KIAA1328: variants seen among roughly 807,000 people sequenced by gnomAD.
The protein encoded by KIAA1328 is KIAA1328.
Under a neutral mutation model 68.1 loss-of-function variants are expected in KIAA1328, and 52 were observed. The ratio of observed to expected loss-of-function variants is 0.76; its 90% CI spans 0.61 to 0.96. The LOEUF is 0.96. Ranked by LOEUF, KIAA1328 falls within the 40% of genes least tolerant of loss-of-function variation. KIAA1328 has a pLI of 0.00. For missense variants in KIAA1328, 641 were observed against 677.6 expected (o/e 0.95, Z 0.60); for synonymous variants, 232 against 239.4 (o/e 0.97, Z 0.28).
chr18:37,058,486 G>A (rs1398323428), intron 6 of KIAA1328, among the ~76,000 whole-genome samples: 1 of 152,192 alleles, frequency 6.6e-6, no homozygotes, highest in South Asian at 2.1e-4. Flanking sequence ...GCCAAGGCAG[G>A]TGGGTTGCCT....
At chr18:36,983,766 C>G (rs973654421) in intron 6 of KIAA1328, among the ~76,000 whole-genome samples, 30 of 152,072 alleles carry the variant, frequency 2.0e-4, no homozygotes, top group African/African-American at 7.0e-4. Context: ...CTTAACAATT[C>G]ATTGTGTGGT....
At chr18:36,897,753 G>C (rs188755478) in intron 5 of KIAA1328, among the ~76,000 whole-genome samples, 1 of 152,064 alleles carries the variant, frequency 6.6e-6, no homozygotes, top group East Asian at 1.9e-4. Flanking sequence ...GGTGAGAGGA[G>C]GCTTTAATAT....
At chr18:37,010,880 C>CA (rs938564312) in intron 6 of KIAA1328, among the ~76,000 whole-genome samples, 5 of 151,548 alleles carry the variant, frequency 3.3e-5, no homozygotes, top group East Asian at 1.9e-4. Flanking sequence ...TTGACAGAAA[C>CA]AAAAAAAATG....
At chr18:36,861,767 C>T (rs149183019) in intron 4 of KIAA1328, among the ~76,000 whole-genome samples, 2 of 152,068 alleles carry the variant, frequency 1.3e-5, no homozygotes, top group Non-Finnish European at 2.9e-5. Context: ...CTCCTGGCCT[C>T]AAGCATTCCT....
intron 4 of KIAA1328, among the ~76,000 whole-genome samples, chr18:36,850,486 C>A (rs2047176279): frequency 6.6e-6 from 1 of 151,960 alleles, no homozygotes; most frequent in Non-Finnish European, 1.5e-5. Flanking sequence ...GCTGATAGTA[C>A]CAAATCCTAT....
intron 3 of KIAA1328, among the ~76,000 whole-genome samples, chr18:36,840,029 C>T (rs1357455855): frequency 6.6e-6 from 1 of 152,100 alleles, no homozygotes; most frequent in Non-Finnish European, 1.5e-5. Context: ...CATTACTTTG[C>T]CCTGCAAGGT....
At chr18:37,044,910 T>A (rs2038878249) in intron 6 of KIAA1328, among the ~76,000 whole-genome samples, 1 of 152,026 alleles carries the variant, frequency 6.6e-6, no homozygotes, top group Non-Finnish European at 1.5e-5. Flanking sequence ...GATAAATATA[T>A]ATACAATCAG....
In KIAA1328 at chr18:37,021,191, G is replaced by C. The variant is rs545602967; in HGVS notation, c.577-45699G>C. On this transcript the variant is annotated intron_variant, in intron 6 of 9. Coordinates refer to ENST00000280020, the MANE Select transcript of KIAA1328 (RefSeq NM_020776.3). The stretch of plus-strand genomic sequence containing the variant: ...GCAGTGCACTGTTTAATTTCAAATT[G>C]GATTTTTCATTATGTTTTATGATAA... Among the ~76,000 whole-genome samples the C allele has an allele frequency of 2.2e-4, 34 of 152,196 alleles. 1 individual carries two copies. The highest frequency in any genetic ancestry group is 7.7e-4 in the African/African-American group (32 of 41,522).
intron 7 of KIAA1328, among the ~76,000 whole-genome samples, chr18:37,099,262 C>T (rs1261409063): frequency 1.3e-5 from 2 of 152,196 alleles, no homozygotes. Flanking sequence ...CCCAGAGATT[C>T]TGGTACGTTG....
At chr18:37,024,189 C>T (rs996252462) in intron 6 of KIAA1328, among the ~76,000 whole-genome samples, 1 of 151,812 alleles carries the variant, frequency 6.6e-6, no homozygotes, top group African/African-American at 2.4e-5. Context: ...AGATGGGGTA[C>T]TGCTATGTTG....
In KIAA1328 at chr18:37,117,887, AAT is replaced by A. The variant is rs1340358187; in HGVS notation, c.1233-42299_1233-42298del. Among the ~76,000 whole-genome samples, 1,213 of 147,528 alleles carry A rather than the reference AAT, an allele frequency of 8.2e-3. 12 individuals are homozygous for A. Among genetic ancestry groups the A allele is most frequent in the Non-Finnish European group, 0.014 (913 of 66,286 alleles). Reference sequence around the variant, plus strand: ...GGACGTAGTTGGTTTAAAAAAAAAAAATATATATATATATACTAACATATTCA... The same window carrying A: ...GGACGTAGTTGGTTTAAAAAAAAAAAATATATATATATACTAACATATTCA... On this transcript the variant is annotated intron_variant, in intron 7 of 9. Transcript: ENST00000280020.
intron 7 of KIAA1328, among the ~76,000 whole-genome samples, chr18:37,115,179 C>G (rs1349151972): frequency 6.6e-6 from 1 of 152,144 alleles, no homozygotes; most frequent in Non-Finnish European, 1.5e-5. Flanking sequence ...CCAGCATCAT[C>G]CTGATACTAA....
rs1346288146 is a variant in KIAA1328 at position 37,173,081 on chromosome 18, G to T, written c.1523G>T (p.Arg508Leu). The change falls in exon 9 of 10, where the codon CGG becomes CTG. Residue 508 changes from arginine (R) to leucine (L), a missense_variant and splice_region_variant. Coordinates refer to ENST00000280020, the MANE Select transcript of KIAA1328 (RefSeq NM_020776.3). ...ASPSLQHTTS[R>L]YETSLLDLVQ... Reference sequence around the variant, plus strand: ...CCATCATTACAGCACACCACCTCCCGGTAAGCTTCAGAGATTCTTTAGTTT... The same window carrying T: ...CCATCATTACAGCACACCACCTCCCTGTAAGCTTCAGAGATTCTTTAGTTT... 6.2e-6 allele frequency: 10 copies of T among 1,602,314 alleles called. No homozygotes were observed. The highest frequency in any genetic ancestry group is 4.0e-5 in the African/African-American group (3 of 74,436).
chr18:37,132,556 A>G (rs1458729442), intron 7 of KIAA1328, among the ~76,000 whole-genome samples: 1 of 152,244 alleles, frequency 6.6e-6, no homozygotes, highest in Non-Finnish European at 1.5e-5. Flanking sequence ...ATCAAGGAGC[A>G]TATTGGGAGG....
chr18:37,084,211 A>G, intron 7 of KIAA1328: 2 of 1,525,554 alleles, frequency 1.3e-6, no homozygotes, highest in Admixed American at 2.0e-5. Context: ...CTGGATATGA[A>G]TGGCAGTGAC....
intron 8 of KIAA1328, 45 bp from the exon 9 acceptor site, chr18:37,172,928 T>G: frequency 6.9e-7 from 1 of 1,442,818 alleles, no homozygotes. Flanking sequence ...CTTTTCCATT[T>G]TCTTTTACTG....
Position 37,224,616 on chromosome 18 carries a change from A to G in KIAA1328, c.*2389A>G. On this transcript the variant is annotated 3_prime_UTR_variant, in exon 10 of 10. Coordinates refer to ENST00000280020, the MANE Select transcript of KIAA1328 (RefSeq NM_020776.3). The stretch of plus-strand genomic sequence containing the variant: ...AATTTACTTTGAAATATATACATAC[A>G]TATGAATGAAAGGTTGTTACAGAGC... 1.0e-6 allele frequency: 1 copy of G among 978,816 alleles called. No homozygotes were observed. 60.6% of individuals were successfully genotyped at this position (978,816 alleles called of 1,614,324 possible). A position where few individuals can be genotyped will look rare whatever the true frequency, so the allele number is the denominator to read the frequency against.
At position 37,080,505 on chromosome 18, in the gene KIAA1328, G is replaced by A. The variant is rs191872312; in HGVS notation, c.1232+12960G>A. ...GAACTAGTCATGCTGGGCCGGGCGC[G>A]GTGGCTCACGCCTATAATCCCAGCA... On this transcript the variant is annotated intron_variant, in intron 7 of 9. Coordinates refer to ENST00000280020, the MANE Select transcript of KIAA1328 (RefSeq NM_020776.3). Among the ~76,000 whole-genome samples the A allele has an allele frequency of 1.2e-3, 188 of 152,266 alleles. 1 individual carries two copies. Among genetic ancestry groups the A allele is most frequent in the African/African-American group, 4.4e-3 (183 of 41,552 alleles).
intron 6 of KIAA1328, among the ~76,000 whole-genome samples, chr18:37,029,254 A>G (rs546058090): frequency 2.2e-4 from 34 of 151,688 alleles, no homozygotes; most frequent in African/African-American, 6.3e-4. Flanking sequence ...AGGAGGTTGT[A>G]TATTTTCAGG....
Sources: allele counts gnomAD v4.1 joint callset (sites outside exome capture counted in the v4.1 genomes callset), GRCh38; gene constraint gnomAD v4.1.1; transcripts MANE v1.5; gene names NCBI Gene and HGNC (gene_info 2026-07-23, HGNC 2026-07-21).